ATP8B2: variants seen among roughly 807,000 people sequenced by gnomAD.
The protein encoded by ATP8B2 is phospholipid-transporting ATPase ID.
Under a neutral mutation model 133.4 loss-of-function variants are expected in ATP8B2, and 70 were observed. The observed-to-expected ratio is 0.52, with a 90% CI of 0.43 to 0.64. ATP8B2 has a LOEUF of 0.64. Among genes scored for constraint, ATP8B2 ranks in the 30% least tolerant of loss-of-function variants. The probability of loss-of-function intolerance (pLI) is 0.00; values close to 1 mark genes in which losing one functional copy is unlikely to be tolerated. For synonymous variants in ATP8B2, 517 were observed against 589.5 expected (o/e 0.88, Z 1.78); for missense variants, 1,101 against 1,535.7 (o/e 0.72, Z 4.73).
chr1:154,345,653 T>TA lies in ATP8B2; in HGVS notation c.2694+109dup, dbSNP rs1448120576. 5.3e-6 allele frequency: 7 copies of TA among 1,327,760 alleles called. No homozygotes were observed. The highest frequency in any genetic ancestry group is 6.4e-6 in the Non-Finnish European group (6 of 944,100). 82.2% of individuals were successfully genotyped at this position (1,327,760 alleles called of 1,614,324 possible). The stretch of plus-strand genomic sequence containing the variant: ...CAGGGCCTAGCTATTTTCTGGTACA[T>TA]ACTCTTAAAAAATGCTTATTAAAGG... On this transcript the variant is annotated intron_variant, in intron 23 of 27. Transcript: ENST00000368489. This position sits in a 1 kb window ranked among gnomAD's most constrained non-coding sequence, Gnocchi z 5.6.
chr1:154,331,782 A>G lies in ATP8B2; in HGVS notation c.438+104A>G, dbSNP rs1427641202. Reference sequence around the variant, plus strand: ...CTGTTGCCTCTTAAACACCCGTGGCAGGAATCTTTCTCACACCAGGGGCTT... The same window carrying G: ...CTGTTGCCTCTTAAACACCCGTGGCGGGAATCTTTCTCACACCAGGGGCTT... On this transcript the variant is annotated intron_variant, in intron 7 of 27. Transcript: ENST00000368489. This position sits in a 1 kb window ranked among gnomAD's most constrained non-coding sequence, Gnocchi z 4.8. 9.3e-6 allele frequency: 13 copies of G among 1,394,012 alleles called. No individual in the cohort carries two copies. Among genetic ancestry groups the G allele is most frequent in the Middle Eastern group, 2.0e-4 (1 of 4,882 alleles). The allele number at this position is 1,394,012 out of a possible 1,614,324, so 86.4% of individuals were successfully genotyped here. A position where few individuals can be genotyped will look rare whatever the true frequency, so the allele number is the denominator to read the frequency against.
Position 154,345,022 on chromosome 1 carries a change from G to T in ATP8B2, c.2338G>T (p.Ala780Ser). Residue 780 changes from alanine (A) to serine (S), a missense_variant, in exon 22 of 28, where the codon GCC becomes TCC. Ala to Ser is a moderately conservative substitution (Grantham distance 99, BLOSUM62 1). Coordinates refer to ENST00000368489, the MANE Select transcript of ATP8B2 (RefSeq NM_001370597.1). This position sits in a 1 kb window ranked among gnomAD's most constrained non-coding sequence, Gnocchi z 5.6. ...MELEFLETACACKAVICCRVT... is the reference protein window; with the variant it reads ...MELEFLETACSCKAVICCRVT... Reference sequence around the variant, plus strand: ...GCTGGAGTTTCTGGAGACAGCGTGTGCCTGCAAAGCTGTCATCTGCTGCCG... The same window carrying T: ...GCTGGAGTTTCTGGAGACAGCGTGTTCCTGCAAAGCTGTCATCTGCTGCCG... The T allele has an allele frequency of 6.2e-7, 1 of 1,614,192 alleles. No individual in the cohort carries two copies. Among genetic ancestry groups the T allele is most frequent in the Non-Finnish European group, 8.5e-7 (1 of 1,180,026 alleles).
intron 13 of ATP8B2, chr1:154,341,935 A>T (rs186598433): frequency 6.3e-6 from 1 of 157,626 alleles, no homozygotes; most frequent in African/African-American, 2.4e-5. Context: ...GGCCAGGCGG[A>T]ACCCTGCTAG....
chr1:154,344,831 A>G lies in ATP8B2; in HGVS notation c.2286+46A>G, dbSNP rs778865411. ...CTTGGGCAGTATCTTTCCAGTGAGC[A>G]CTTCTGTCCAGGGCTTTTATATCTT... is the stretch of plus-strand genomic sequence containing the variant. On this transcript the variant is annotated intron_variant, in intron 21 of 27. Transcript: ENST00000368489. This position sits in a 1 kb window ranked among gnomAD's most constrained non-coding sequence, Gnocchi z 4.1. 1.3e-6 allele frequency: 2 copies of G among 1,566,370 alleles called. No homozygotes were observed. The highest frequency in any genetic ancestry group is 1.8e-4 in the Middle Eastern group (1 of 5,600).
In ATP8B2 at chr1:154,343,928, G is replaced by A; in HGVS notation, c.1794G>A (p.Leu598=). 6.2e-7 allele frequency: 1 copy of A among 1,613,754 alleles called. No individual in the cohort carries two copies. Among genetic ancestry groups the A allele is most frequent in the Non-Finnish European group, 8.5e-7 (1 of 1,179,804 alleles). Residue 598 remains leucine, a synonymous_variant, in exon 18 of 28, where the codon CTG becomes CTA. Transcript: ENST00000368489. This position sits in a 1 kb window ranked among gnomAD's most constrained non-coding sequence, Gnocchi z 5.8. ...GGGAAGGGCTGAGGACCCTGGTGCT[G>A]GCCTACAAGGATCTGGATGAAGAGT... is the stretch of plus-strand genomic sequence containing the variant. ...YAGEGLRTLV[L]AYKDLDEEYY...
chr1:154,338,736 G>A (rs1686280892), intron 12 of ATP8B2: 1 of 152,146 alleles, frequency 6.6e-6, no homozygotes, highest in Non-Finnish European at 1.5e-5. Flanking sequence ...TTCTAAAAAT[G>A]CATTCTAAGT....
In ATP8B2 at chr1:154,328,727, C is replaced by A. The variant is rs1360996257; in HGVS notation, c.31+555C>A. ...GGGGCGGAACCCTGGGCGTGCTCGG[C>A]GTGTCCGGGGCCACTCAGCGCACGC... On this transcript the variant is annotated intron_variant, in intron 2 of 27. Coordinates refer to ENST00000368489, the MANE Select transcript of ATP8B2 (RefSeq NM_001370597.1). This position sits in a 1 kb window ranked among gnomAD's most constrained non-coding sequence, Gnocchi z 4.6. 1 of 903,310 alleles carries A rather than the reference C, an allele frequency of 1.1e-6. No individual in the cohort carries two copies. The allele number at this position is 903,310 out of a possible 1,614,324, so 56.0% of individuals were successfully genotyped here.
At chr1:154,326,603 A>G (rs947226841) in intron 1 of ATP8B2, among the ~76,000 whole-genome samples, 1 of 152,128 alleles carries the variant, frequency 6.6e-6, no homozygotes, top group Non-Finnish European at 1.5e-5. Context: ...GCCCCCCCAG[A>G]GGGGATGAGG....
chr1:154,332,584 AG>A, intron 8 of ATP8B2, 33 bp from the exon 9 acceptor site: 5 of 1,511,990 alleles, frequency 3.3e-6, no homozygotes, highest in Middle Eastern at 1.7e-4. Flanking sequence ...GAGGATGAGG[AG>A]GGAGCGGGGA....
In ATP8B2 at chr1:154,331,646, A is replaced by G. The variant is rs1438797338; in HGVS notation, c.406A>G (p.Ile136Val). The change falls in exon 7 of 28, where the codon ATT becomes GTT. Residue 136 changes from isoleucine (I) to valine (V), a missense_variant. Transcript: ENST00000368489. The surrounding 1 kb of genome is among the most constrained non-coding windows in gnomAD (Gnocchi z 4.8). ...GTGGATGAATGTCTGTGTTGGTGAT[A>G]TTATCAAGCTAGAAAATAACCAGTT... Reference protein sequence around the residue: ...EQWMNVCVGDIIKLENNQFVA... With the variant: ...EQWMNVCVGDVIKLENNQFVA... 3 of 1,614,090 alleles carry G rather than the reference A, an allele frequency of 1.9e-6. No individual in the cohort carries two copies. Among genetic ancestry groups the G allele is most frequent in the Non-Finnish European group, 2.5e-6 (3 of 1,180,040 alleles).
In ATP8B2 at chr1:154,344,313, C is replaced by G. The variant is rs1050888676; in HGVS notation, c.2035+59C>G. The G allele has an allele frequency of 6.2e-7, 1 of 1,614,142 alleles. No individual in the cohort carries two copies. The highest frequency in any genetic ancestry group is 8.5e-7 in the Non-Finnish European group (1 of 1,179,996). ...TGACAGTAGCCCTGTTGGACCCTTG[C>G]ATGGAGCCGAGGACATCAGGCAGGC... On this transcript the variant is annotated intron_variant, in intron 19 of 27. Coordinates refer to ENST00000368489, the MANE Select transcript of ATP8B2 (RefSeq NM_001370597.1). The surrounding 1 kb of genome is among the most constrained non-coding windows in gnomAD (Gnocchi z 4.1).
At chr1:154,347,128 G>A (rs183987891) in intron 26 of ATP8B2, among the ~76,000 whole-genome samples, 1 of 152,302 alleles carries the variant, frequency 6.6e-6, no homozygotes, top group Non-Finnish European at 1.5e-5. Flanking sequence ...GACCTCAGGT[G>A]ATCCACTCAC....
In ATP8B2 at chr1:154,343,984, A is replaced by G. The variant is rs1686491357; in HGVS notation, c.1850A>G (p.Gln617Arg). 1.9e-6 allele frequency: 3 copies of G among 1,614,008 alleles called. No individual in the cohort carries two copies. Among genetic ancestry groups the G allele is most frequent in the Non-Finnish European group, 2.5e-6 (3 of 1,179,934 alleles). The change falls in exon 18 of 28, where the codon CAG becomes CGG. Residue 617 changes from glutamine to arginine, a missense_variant. Coordinates refer to ENST00000368489, the MANE Select transcript of ATP8B2 (RefSeq NM_001370597.1). The surrounding 1 kb of genome is among the most constrained non-coding windows in gnomAD (Gnocchi z 5.8). ...GAGGAGTGGGCTGAGCGACGCCTCCAGGCCAGCCTGGCCCAGGACAGCCGG... is the reference window on the plus strand; with the variant it reads ...GAGGAGTGGGCTGAGCGACGCCTCCGGGCCAGCCTGGCCCAGGACAGCCGG... ...YYEEWAERRLQASLAQDSRED... is the reference protein window; with the variant it reads ...YYEEWAERRLRASLAQDSRED...
chr1:154,330,534 AG>A, intron 3 of ATP8B2, 80 bp downstream of exon 3: 1 of 1,474,004 alleles, frequency 6.8e-7, no homozygotes. Context: ...GTTGGGACTG[AG>A]GGCTGCCTGG....
chr1:154,326,857 C>T lies in ATP8B2; in HGVS notation c.-38+1155C>T, dbSNP rs558376042. On this transcript the variant is annotated intron_variant, in intron 1 of 27. Transcript: ENST00000368489. Reference sequence around the variant, plus strand: ...CTTTAACCTCTCCCTGTGCTCCCCACCCTCCCGTGACTCATACTCAGACTG... The same window carrying T: ...CTTTAACCTCTCCCTGTGCTCCCCATCCTCCCGTGACTCATACTCAGACTG... Among the ~76,000 whole-genome samples the T allele has an allele frequency of 1.1e-4, 17 of 152,332 alleles. No individual in the cohort carries two copies. In the South Asian group the frequency reaches 3.5e-3, roughly 32 times the overall value.
chr1:154,329,146 G>A (rs1021309375), intron 2 of ATP8B2: 3 of 1,189,122 alleles, frequency 2.5e-6, no homozygotes, highest in Non-Finnish European at 3.2e-6. Context: ...ACATTCACTT[G>A]TCCCCAGCCT....
chr1:154,339,118 A>G (rs1411293510), intron 12 of ATP8B2, among the ~76,000 whole-genome samples: 1 of 152,248 alleles, frequency 6.6e-6, no homozygotes, highest in Non-Finnish European at 1.5e-5. Context: ...TTTTGTTCAT[A>G]CAGATTCCCC....
chr1:154,330,328 A>AC (rs771890546), intron 2 of ATP8B2, 68 bp from the exon 3 acceptor site: 33 of 1,403,716 alleles, frequency 2.4e-5, no homozygotes, highest in East Asian at 1.4e-4. Flanking sequence ...AAAACAGGGA[A>AC]CCCCCCAGCA....
At chr1:154,348,680 G>A in intron 27 of ATP8B2, 142 bp downstream of exon 27, 1 of 1,412,246 alleles carries the variant, frequency 7.1e-7, no homozygotes, top group Non-Finnish European at 9.5e-7. Context: ...CAGACACCCT[G>A]TGCAGCTGGC....
Sources: allele counts gnomAD v4.1 joint callset (sites outside exome capture counted in the v4.1 genomes callset), GRCh38; gene constraint gnomAD v4.1.1; non-coding constraint Gnocchi (gnomAD v3.1); transcripts MANE v1.5; gene names NCBI Gene and HGNC (gene_info 2026-07-23, HGNC 2026-07-21).